The following SETDB1 variants were observed in gnomAD, a reference collection of about 807,000 sequenced individuals.
SETDB1 encodes the protein SET domain bifurcated histone lysine methyltransferase 1, also known as histone-lysine N-methyltransferase SETDB1.
Under a neutral mutation model 137.4 loss-of-function variants are expected in SETDB1, and 31 were observed. That is an observed-to-expected ratio of 0.23 (90% CI 0.17 to 0.30). SETDB1 has a LOEUF of 0.30. Among genes scored for constraint, SETDB1 ranks in the 10% least tolerant of loss-of-function variants. The probability of loss-of-function intolerance (pLI) is 1.00; values close to 1 mark genes in which losing one functional copy is unlikely to be tolerated. For synonymous variants in SETDB1, 548 were observed against 579.9 expected (o/e 0.95, Z 0.79); for missense variants, 1,113 against 1,631.5 (o/e 0.68, Z 5.47).
chr1:150,927,662 G>C (rs756348664), intron 1 of SETDB1, 42 bp from the exon 2 acceptor site: 1 of 1,580,300 alleles, frequency 6.3e-7, no homozygotes, highest in Non-Finnish European at 8.7e-7. Flanking sequence ...ATTGATTGTA[G>C]TTATAAGGAC....
intron 10 of SETDB1, among the ~76,000 whole-genome samples, chr1:150,948,558 ACCGCGCCTGG>A (rs1009464516): frequency 6.6e-6 from 1 of 152,108 alleles, no homozygotes; most frequent in Non-Finnish European, 1.5e-5. Flanking sequence ...GGCATGAGCC[ACCGCGCCTGG>A]CCGTTATTCT....
chr1:150,962,893 G>A, intron 18 of SETDB1, 81 bp from the exon 19 acceptor site: 1 of 1,543,044 alleles, frequency 6.5e-7, no homozygotes, highest in Non-Finnish European at 8.8e-7. Context: ...GCCCTTTCCT[G>A]CCAAACCGTG....
intron 9 of SETDB1, among the ~76,000 whole-genome samples, chr1:150,946,356 C>T (rs1670328465): frequency 6.6e-6 from 1 of 152,044 alleles, no homozygotes; most frequent in Non-Finnish European, 1.5e-5. Flanking sequence ...ATCTGTTGCT[C>T]CTGTAATTCC....
At chr1:150,927,305 T>C (rs1321754135) in intron 1 of SETDB1, among the ~76,000 whole-genome samples, 1 of 152,134 alleles carries the variant, frequency 6.6e-6, no homozygotes, top group Non-Finnish European at 1.5e-5. Context: ...TTTGTATTTT[T>C]TTGTAAAGAC....
chr1:150,945,478 G>C (rs1203050022), intron 9 of SETDB1, among the ~76,000 whole-genome samples: 1 of 152,092 alleles, frequency 6.6e-6, no homozygotes, highest in Admixed American at 6.6e-5. Flanking sequence ...ATCTTTCAAG[G>C]CTCAGTTTAA....
chr1:150,939,806 C>G (rs1469274759), intron 3 of SETDB1, 134 bp from the exon 4 acceptor site: 1 of 630,352 alleles, frequency 1.6e-6, no homozygotes, highest in Non-Finnish European at 2.8e-6. Flanking sequence ...TGTGTGTATA[C>G]CTATATCAAG....
At chr1:150,937,173 A>C (rs1309017001) in intron 3 of SETDB1, among the ~76,000 whole-genome samples, 1 of 151,332 alleles carries the variant, frequency 6.6e-6, no homozygotes, top group East Asian at 1.9e-4. Flanking sequence ...CCAAGGGATT[A>C]TTACACAGCC....
intron 15 of SETDB1, 63 bp from the exon 16 acceptor site, chr1:150,960,496 GCAAA>G (rs1327383978): frequency 5.5e-5 from 59 of 1,077,116 alleles, no homozygotes; most frequent in Admixed American, 1.6e-4. Flanking sequence ...AAAAAAAAAA[GCAAA>G]CAAAAAAAAA....
intron 16 of SETDB1, 160 bp from the exon 17 acceptor site, chr1:150,961,970 T>G: frequency 1.3e-6 from 1 of 792,200 alleles, no homozygotes; most frequent in Non-Finnish European, 2.2e-6. Context: ...GGGAGTGTAG[T>G]GAGGATTTCT....
At chr1:150,949,586 A>G (rs1670438326) in intron 12 of SETDB1, 61 bp downstream of exon 12, 4 of 1,508,032 alleles carry the variant, frequency 2.7e-6, no homozygotes, top group Middle Eastern at 1.8e-4. Flanking sequence ...GTGTAGGGGA[A>G]GGTTCCTTGG....
At chr1:150,933,368 C>CT (rs71090112) in intron 3 of SETDB1, among the ~76,000 whole-genome samples, 10,255 of 118,804 alleles carry the variant, frequency 0.086, 691 homozygotes, top group Non-Finnish European at 0.13. Context: ...CCTATTTTGT[C>CT]TTTTTTTTTT....
chr1:150,942,008 C>G (rs182225935), intron 5 of SETDB1, among the ~76,000 whole-genome samples: 1 of 151,690 alleles, frequency 6.6e-6, no homozygotes, highest in East Asian at 1.9e-4. Context: ...GGCGTGGTGG[C>G]GCACGCCTGT....
chr1:150,964,093 C>T lies in SETDB1; in HGVS notation c.3761+10C>T, dbSNP rs777054246. ...CCTTCTTTGCCAGCAAGTAAGGAGT[C>T]AGGAAAGGGGATGACTGGGGAGGGG... On this transcript the variant is annotated intron_variant, in intron 21 of 21. Coordinates refer to ENST00000692827, the MANE Select transcript of SETDB1 (RefSeq NM_001366418.1). 2 of 1,611,506 alleles carry T rather than the reference C, an allele frequency of 1.2e-6. No individual in the cohort carries two copies. The highest frequency in any genetic ancestry group is 1.7e-6 in the Non-Finnish European group (2 of 1,177,658).
At chr1:150,943,634 C>T (rs1670230055) in intron 7 of SETDB1, among the ~76,000 whole-genome samples, 1 of 152,188 alleles carries the variant, frequency 6.6e-6, no homozygotes, top group Non-Finnish European at 1.5e-5. Context: ...CGAGATTGCA[C>T]CACTGCACCC....
chr1:150,939,753 A>G (rs990180083), intron 3 of SETDB1, among the ~76,000 whole-genome samples, 187 bp from the exon 4 acceptor site: 2 of 151,986 alleles, frequency 1.3e-5, no homozygotes, highest in East Asian at 1.9e-4. Context: ...ACACCTGGCT[A>G]TTTACTTTGT....
Position 150,960,876 on chromosome 1 carries a change from A to C in SETDB1, c.2817A>C (p.Gly939=), listed in dbSNP as rs372254694. 1 of 1,609,438 alleles carries C rather than the reference A, an allele frequency of 6.2e-7. No homozygotes were observed. The highest frequency in any genetic ancestry group is 1.3e-5 in the African/African-American group (1 of 74,752). Residue 939 remains glycine, a synonymous_variant, in exon 16 of 22, where the codon GGA becomes GGC. Transcript: ENST00000692827. ...AGACCCGGGGCCAGAAAGAGAACGG[A>C]CTCTCTGAGACAACTTCCAAGGACT... The part of the protein sequence containing the change: ...RRQTRGQKEN[G]LSETTSKDSH...
In SETDB1 at chr1:150,964,235, C is replaced by G; in HGVS notation, c.3762-12C>G. The G allele has an allele frequency of 6.2e-7, 1 of 1,610,892 alleles. No individual in the cohort carries two copies. The highest frequency in any genetic ancestry group is 8.5e-7 in the Non-Finnish European group (1 of 1,177,116). On this transcript the variant is annotated splice_polypyrimidine_tract_variant and intron_variant, in intron 21 of 21. Transcript: ENST00000692827. ...TGTCTTTGCCACACACCATCCTTTT[C>G]TTCCTCTTCAGAAGAATCCGGGCTG...
chr1:150,951,499 G>A lies in SETDB1; in HGVS notation c.2333+18G>A, dbSNP rs202047697. ...CCCACAGGGTAAGTGGTCAAGGAAT[G>A]GCACAGTACCTCAGAGAGACTGAGG... On this transcript the variant is annotated intron_variant, in intron 14 of 21. Coordinates refer to ENST00000692827, the MANE Select transcript of SETDB1 (RefSeq NM_001366418.1). 113 of 1,254,228 alleles carry A rather than the reference G, an allele frequency of 9.0e-5. No individual in the cohort carries two copies. Among genetic ancestry groups the A allele is most frequent in the South Asian group, 3.6e-5 (3 of 83,868 alleles). The allele number at this position is 1,254,228 out of a possible 1,614,324, so 77.7% of individuals were successfully genotyped here.
intron 1 of SETDB1, 62 bp from the exon 2 acceptor site, chr1:150,927,641 AT>A (rs1669574647): frequency 6.8e-7 from 1 of 1,463,268 alleles, no homozygotes; most frequent in African/African-American, 1.4e-5. Context: ...GGGAACTGAA[AT>A]TCTCTATTGA....
Sources: allele counts gnomAD v4.1 joint callset (sites outside exome capture counted in the v4.1 genomes callset), GRCh38; gene constraint gnomAD v4.1.1; transcripts MANE v1.5; gene names NCBI Gene and HGNC (gene_info 2026-07-23, HGNC 2026-07-21).